The following P3H3 variants were observed in gnomAD, a reference collection of about 807,000 sequenced individuals.
P3H3 encodes gene rich cluster, B.
A neutral mutation model predicts 78.1 loss-of-function variants in P3H3; 64 were observed. That is an observed-to-expected ratio of 0.82 (90% CI 0.67 to 1.01). P3H3 has a LOEUF of 1.01. Ranked by LOEUF, P3H3 falls within the 50% of genes least tolerant of loss-of-function variation. The pLI is 0.00. For missense variants in P3H3, 975 were observed against 982.2 expected (o/e 0.99, Z 0.10); for synonymous variants, 425 against 416.7 (o/e 1.02, Z -0.24).
At chr12:6,837,218 G>A in intron 10 of P3H3, 132 bp downstream of exon 10, 2 of 996,556 alleles carry the variant, frequency 2.0e-6, no homozygotes, top group South Asian at 1.6e-5. Context: ...ATAGGACCCA[G>A]CGTGGAGAAA....
Position 6,837,051 on chromosome 12 carries a change from C to A in P3H3, c.1525C>A (p.Arg509Ser). Residue 509 changes from arginine (R) to serine (S), a missense_variant, in exon 10 of 15, where the codon CGC becomes AGC. Physicochemically the swap from Arg to Ser is moderately radical, Grantham distance 110 (BLOSUM62 -1). Coordinates refer to ENST00000290510, the MANE Select transcript of P3H3 (RefSeq NM_014262.5). ...GRRSPHTPHE[R>S]FEGLTVLKAA... ...CCGCTCCCCTCACACCCCCCATGAA[C>A]GCTTCGAGGGGCTCACGGTGCTTAA... 6.2e-7 allele frequency: 1 copy of A among 1,607,150 alleles called. No homozygotes were observed. Among genetic ancestry groups the A allele is most frequent in the Non-Finnish European group, 8.5e-7 (1 of 1,179,782 alleles).
chr12:6,830,925 T>C (rs1466453038), intron 4 of P3H3, 155 bp downstream of exon 4: 4 of 1,137,624 alleles, frequency 3.5e-6, no homozygotes, highest in Non-Finnish European at 5.2e-6. Flanking sequence ...TAATTTGCCC[T>C]CCTTTGGCGC....
chr12:6,833,715 C>T (rs1555121730), intron 7 of P3H3, 27 bp from the exon 8 acceptor site: 2 of 1,600,442 alleles, frequency 1.2e-6, no homozygotes, highest in Non-Finnish European at 1.7e-6. Context: ...TCCTGGGCAC[C>T]CACTGAGCGC....
In P3H3 at chr12:6,839,527, C is replaced by T. The variant is rs997707556; in HGVS notation, c.*66C>T. On this transcript the variant is annotated 3_prime_UTR_variant, in exon 15 of 15. Coordinates refer to ENST00000290510, the MANE Select transcript of P3H3 (RefSeq NM_014262.5). ...GTGGAAGGCCATCTTGATGCCAGGA[C>T]ACACAGGAAGCCCCTGTGTGACATC... The T allele has an allele frequency of 7.0e-5, 106 of 1,515,736 alleles. No individual in the cohort carries two copies. The highest frequency in any genetic ancestry group is 3.0e-4 in the East Asian group (12 of 40,630). 93.9% of individuals were successfully genotyped at this position (1,515,736 alleles called of 1,614,324 possible). A position where few individuals can be genotyped will look rare whatever the true frequency, so the allele number is the denominator to read the frequency against.
Position 6,837,033 on chromosome 12 carries a change from C to A in P3H3, c.1507C>A (p.Pro503Thr). 1 of 1,608,912 alleles carries A rather than the reference C, an allele frequency of 6.2e-7. No homozygotes were observed. The highest frequency in any genetic ancestry group is 8.5e-7 in the Non-Finnish European group (1 of 1,179,820). ...GTCTGGCTATCGTGGTCGCCGCTCC[C>A]CTCACACCCCCCATGAACGCTTCGA... is the stretch of plus-strand genomic sequence containing the variant. ...ARSGYRGRRSPHTPHERFEGL... is the reference protein window; with the variant it reads ...ARSGYRGRRSTHTPHERFEGL... Residue 503 changes from proline (P) to threonine (T), a missense_variant, in exon 10 of 15, where the codon CCT becomes ACT. By Grantham distance (38) the Pro-to-Thr change is conservative (BLOSUM62 -1). Coordinates refer to ENST00000290510, the MANE Select transcript of P3H3 (RefSeq NM_014262.5).
chr12:6,830,516 G>C lies in P3H3; in HGVS notation c.815G>C (p.Gly272Ala), dbSNP rs782471769. 6.3e-7 allele frequency: 1 copy of C among 1,577,376 alleles called. No homozygotes were observed. The highest frequency in any genetic ancestry group is 8.6e-7 in the Non-Finnish European group (1 of 1,162,154). Residue 272 changes from glycine (G) to alanine (A), a missense_variant, in exon 3 of 15, where the codon GGG (glycine) becomes GCG (alanine). Physicochemically the swap from Gly to Ala is moderately conservative, Grantham distance 60 (BLOSUM62 0). Transcript: ENST00000290510. ...EQQGAEEEED[G>A]AASQGGLYEA... is the part of the protein sequence containing the mutation. ...CAGGGGGCTGAAGAAGAGGAGGATGGGGCTGCGAGCCAGGGGGGCCTCTAT... is the reference window on the plus strand; with the variant it reads ...CAGGGGGCTGAAGAAGAGGAGGATGCGGCTGCGAGCCAGGGGGGCCTCTAT...
In P3H3 at chr12:6,828,529, C is replaced by T. The variant is rs1943406362; in HGVS notation, c.89C>T (p.Pro30Leu). 2 of 1,291,114 alleles carry T rather than the reference C, an allele frequency of 1.5e-6. No individual in the cohort carries two copies. Among genetic ancestry groups the T allele is most frequent in the Non-Finnish European group, 2.0e-6 (2 of 1,018,088 alleles). 80.0% of individuals were successfully genotyped at this position (1,291,114 alleles called of 1,614,324 possible). Residue 30 changes from proline (P) to leucine (L), a missense_variant, in exon 1 of 15, where the codon CCG becomes CTG. Transcript: ENST00000290510. Reference protein sequence around the residue: ...PEPPGLTQLSPGAPPQAPDLL... With the variant: ...PEPPGLTQLSLGAPPQAPDLL... ...CCCCCCGGCCTGACCCAGCTGTCCC[C>T]GGGGGCGCCCCCGCAGGCCCCCGAC...
In P3H3 at chr12:6,837,586, C is replaced by T. The variant is rs782692885; in HGVS notation, c.1711+13C>T. ...AGCGCCATAGAAGGTACGACAGGGA[C>T]CCCCCACTGCTCTTCTCCAACCTCA... On this transcript the variant is annotated intron_variant, in intron 11 of 14. Coordinates refer to ENST00000290510, the MANE Select transcript of P3H3 (RefSeq NM_014262.5). The T allele has an allele frequency of 1.9e-6, 3 of 1,609,926 alleles. No homozygotes were observed. The highest frequency in any genetic ancestry group is 2.5e-6 in the Non-Finnish European group (3 of 1,178,288).
At chr12:6,833,532 A>G in intron 6 of P3H3, 60 bp from the exon 7 acceptor site, 4 of 1,493,192 alleles carry the variant, frequency 2.7e-6, no homozygotes, top group East Asian at 2.3e-5. Flanking sequence ...TTCAGCTCTA[A>G]TGTCAGGGAT....
rs1555121369 is a variant in P3H3, at chr12:6,831,221, A to G, written c.991A>G (p.Asn331Asp). The G allele has an allele frequency of 1.2e-6, 2 of 1,613,690 alleles. No individual in the cohort carries two copies. The highest frequency in any genetic ancestry group is 4.5e-5 in the East Asian group (2 of 44,862). Residue 331 changes from asparagine (N) to aspartate (D), a missense_variant, in exon 5 of 15, where the codon AAT becomes GAT. Physicochemically the swap from Asn to Asp is conservative, Grantham distance 23. Transcript: ENST00000290510. This position sits in a 1 kb window ranked among gnomAD's most constrained non-coding sequence, Gnocchi z 4.6. ...CCTTGTCGCTCCCTCTCCAGTGGGC[A>G]ATCTGTCCCAGGCTATAGAAAATGT... ...RLHEAHAQVG[N>D]LSQAIENVLS...
chr12:6,830,237 C>G, intron 2 of P3H3, 116 bp from the exon 3 acceptor site: 1 of 1,084,412 alleles, frequency 9.2e-7, no homozygotes, highest in African/African-American at 1.6e-5. Context: ...TTCTTCTCCA[C>G]GGTGAAGAGG....
At position 6,828,859 on chromosome 12, in the gene P3H3, G is replaced by C. The variant is rs1826851976; in HGVS notation, c.419G>C (p.Arg140Pro). ...ARRLGPGGAA[R>P]LRVGSALRDA... ...AGGCTGGGCCCCGGGGGCGCGGCGC[G>C]GCTTCGCGTGGGGAGCGCGCTCCGG... The change falls in exon 1 of 15, where the codon CGG (arginine) becomes CCG (proline). Residue 140 changes from arginine (R) to proline (P), a missense_variant. By Grantham distance (103) the Arg-to-Pro change is moderately radical. Transcript: ENST00000290510. The C allele has an allele frequency of 4.8e-6, 6 of 1,245,842 alleles. No homozygotes were observed. The African/African-American group carries it at 7.7e-5, about 16-fold the overall frequency. The allele number at this position is 1,245,842 out of a possible 1,614,324, so 77.2% of individuals were successfully genotyped here. A position where few individuals can be genotyped will look rare whatever the true frequency, so the allele number is the denominator to read the frequency against.
In P3H3 at chr12:6,839,152, G is replaced by T. The variant is rs1041782706; in HGVS notation, c.2046+12G>T. On this transcript the variant is annotated intron_variant, in intron 14 of 14. Coordinates refer to ENST00000290510, the MANE Select transcript of P3H3 (RefSeq NM_014262.5). Reference sequence around the variant, plus strand: ...AGCACAGGGAGCAGGTAAGGAGCGGGGTAGGAAGGGATGTGGTTCTCCTGG... The same window carrying T: ...AGCACAGGGAGCAGGTAAGGAGCGGTGTAGGAAGGGATGTGGTTCTCCTGG... 8 of 1,591,380 alleles carry T rather than the reference G, an allele frequency of 5.0e-6. No homozygotes were observed. Among genetic ancestry groups the T allele is most frequent in the Non-Finnish European group, 6.8e-6 (8 of 1,171,354 alleles).
At position 6,831,811 on chromosome 12, in the gene P3H3, C is replaced by T; in HGVS notation, c.1123-14C>T. The stretch of plus-strand genomic sequence containing the variant: ...CCTCCAGCTACCCCTCACTGCTCAT[C>T]ATCTCACCCTCAGGACATCCAGCGC... On this transcript the variant is annotated splice_polypyrimidine_tract_variant and intron_variant, in intron 5 of 14. Coordinates refer to ENST00000290510, the MANE Select transcript of P3H3 (RefSeq NM_014262.5). The surrounding 1 kb of genome is among the most constrained non-coding windows in gnomAD (Gnocchi z 4.6). 6.4e-7 allele frequency: 1 copy of T among 1,560,374 alleles called. No homozygotes were observed. Among genetic ancestry groups the T allele is most frequent in the Non-Finnish European group, 8.8e-7 (1 of 1,136,162 alleles).
chr12:6,839,389 G>C lies in P3H3; in HGVS notation c.2139G>C (p.Glu713Asp), dbSNP rs782404671. Residue 713 changes from glutamate to aspartate, a missense_variant, in exon 15 of 15, where the codon GAG becomes GAC. Coordinates refer to ENST00000290510, the MANE Select transcript of P3H3 (RefSeq NM_014262.5). ...EEMPSKDPSPEPPSRRHQRVQ... is the reference protein window; with the variant it reads ...EEMPSKDPSPDPPSRRHQRVQ... ...TGCCCAGCAAAGACCCTTCCCCAGAGCCCCCTAGCCGCAGGCACCAGAGGG... is the reference window on the plus strand; with the variant it reads ...TGCCCAGCAAAGACCCTTCCCCAGACCCCCCTAGCCGCAGGCACCAGAGGG... 17 of 1,552,548 alleles carry C rather than the reference G, an allele frequency of 1.1e-5. No homozygotes were observed. In the South Asian group the frequency reaches 2.0e-4, roughly 18 times the overall value.
chr12:6,837,174 T>C, intron 10 of P3H3, 88 bp downstream of exon 10: 4 of 1,210,528 alleles, frequency 3.3e-6, no homozygotes, highest in Non-Finnish European at 4.7e-6. Context: ...CCTGGGCTTT[T>C]GTGAAGGAGC....
In P3H3 at chr12:6,839,157, G is replaced by T; in HGVS notation, c.2046+17G>T. ...AGGGAGCAGGTAAGGAGCGGGGTAG[G>T]AAGGGATGTGGTTCTCCTGGTGCGT... On this transcript the variant is annotated intron_variant, in intron 14 of 14. Transcript: ENST00000290510. The T allele has an allele frequency of 6.3e-7, 1 of 1,588,396 alleles. No individual in the cohort carries two copies. The highest frequency in any genetic ancestry group is 8.6e-7 in the Non-Finnish European group (1 of 1,169,564).
chr12:6,833,335 A>G (rs1555121690), intron 6 of P3H3: 7 of 529,576 alleles, frequency 1.3e-5, no homozygotes, highest in African/African-American at 5.7e-5. Context: ...GTGAACTTTA[A>G]AGGATAAATT....
At position 6,830,628 on chromosome 12, in the gene P3H3, T is replaced by A; in HGVS notation, c.854-11T>A. The A allele has an allele frequency of 1.2e-6, 2 of 1,608,286 alleles. No individual in the cohort carries two copies. Among genetic ancestry groups the A allele is most frequent in the Non-Finnish European group, 1.7e-6 (2 of 1,177,270 alleles). On this transcript the variant is annotated splice_polypyrimidine_tract_variant and intron_variant, in intron 3 of 14. Transcript: ENST00000290510. Reference sequence around the variant, plus strand: ...TGAACAAGCTGAATGGCTTATGGGTTTCCTCTGCAGGACACTGGATTCAGG... The same window carrying A: ...TGAACAAGCTGAATGGCTTATGGGTATCCTCTGCAGGACACTGGATTCAGG...
Sources: gnomAD v4.1 joint callset for allele counts on GRCh38, gnomAD v4.1.1 for gene constraint, Gnocchi (gnomAD v3.1) non-coding constraint, MANE v1.5 for transcripts, NCBI Gene and HGNC (gene_info 2026-07-23, HGNC 2026-07-21) for gene names.